Variants in ASAP1 observed in about 807,000 individuals in gnomAD.
ASAP1 encodes arf-GAP with SH3 domain, ANK repeat and PH domain-containing protein 1.
Under a neutral mutation model 145.2 loss-of-function variants are expected in ASAP1, and 43 were observed. That is an observed-to-expected ratio of 0.30 (90% CI 0.23 to 0.38). The LOEUF is 0.38. Ranked by LOEUF, ASAP1 falls within the 10% of genes least tolerant of loss-of-function variation. The pLI is 1.00. For missense variants in ASAP1, 1,018 were observed against 1,355.3 expected (o/e 0.75, Z 3.91); for synonymous variants, 546 against 515.5 (o/e 1.06, Z -0.80).
In ASAP1 at chr8:130,118,264, A is replaced by G; in HGVS notation, c.1795-18T>C. 1 of 1,610,350 alleles carries G rather than the reference A, an allele frequency of 6.2e-7. No individual in the cohort carries two copies. The highest frequency in any genetic ancestry group is 8.5e-7 in the Non-Finnish European group (1 of 1,177,166). ...CCAAGCTCCTAAAAAGGGAAAGAAA[A>G]GTATAAGTAAGTCAATAATATGCTC... is the stretch of plus-strand genomic sequence containing the variant. On this transcript the variant is annotated intron_variant, in intron 19 of 29. Transcript: ENST00000518721.
chr8:130,272,386 C>T (rs62525923), intron 3 of ASAP1, among the ~76,000 whole-genome samples: 52,528 of 151,974 alleles, frequency 0.35, 10,244 homozygotes, highest in East Asian at 0.64. Flanking sequence ...CTCTACACAT[C>T]GTTGGTAGGA....
intron 3 of ASAP1, among the ~76,000 whole-genome samples, chr8:130,245,397 T>C (rs1325906447): frequency 1.4e-5 from 2 of 145,354 alleles, no homozygotes; most frequent in African/African-American, 4.8e-5. Flanking sequence ...CAGCTGGAAT[T>C]TGACCAAAGA....
chr8:130,269,368 G>A (rs1482609166), intron 3 of ASAP1, among the ~76,000 whole-genome samples: 1 of 152,230 alleles, frequency 6.6e-6, no homozygotes, highest in Non-Finnish European at 1.5e-5. Flanking sequence ...TGACCTGACT[G>A]TACCTCTAGC....
At chr8:130,322,833 A>G (rs773386698) in intron 3 of ASAP1, among the ~76,000 whole-genome samples, 2 of 152,210 alleles carry the variant, frequency 1.3e-5, no homozygotes, top group Admixed American at 1.3e-4. Context: ...AGATATACAA[A>G]GACCTGCAAT....
intron 3 of ASAP1, among the ~76,000 whole-genome samples, chr8:130,290,597 C>A (rs1821886334): frequency 6.6e-6 from 1 of 152,192 alleles, no homozygotes; most frequent in Non-Finnish European, 1.5e-5. Flanking sequence ...TTAAATCCTT[C>A]CAGCCTTCCC....
At position 130,358,174 on chromosome 8, in the gene ASAP1, C is replaced by CG; in HGVS notation, c.60-32dup. 1.9e-6 allele frequency: 3 copies of CG among 1,576,946 alleles called. No homozygotes were observed. The highest frequency in any genetic ancestry group is 1.7e-6 in the Non-Finnish European group (2 of 1,163,236). On this transcript the variant is annotated intron_variant, in intron 2 of 29. Coordinates refer to ENST00000518721, the MANE Select transcript of ASAP1 (RefSeq NM_018482.4). This position sits in a 1 kb window ranked among gnomAD's most constrained non-coding sequence, Gnocchi z 4.1. ...GGGAGGGACGAGACACAAGCGGGGG[C>CG]GGGGGGTGAGTCACGGCGCAGGCTC... is the stretch of plus-strand genomic sequence containing the variant.
chr8:130,152,855 G>T, intron 12 of ASAP1, 50 bp from the exon 13 acceptor site: 1 of 1,366,740 alleles, frequency 7.3e-7, no homozygotes, highest in Non-Finnish European at 1.0e-6. Flanking sequence ...TTCACTCTGG[G>T]ACATGCGACG....
chr8:130,371,178 AC>A (rs1420129552), intron 2 of ASAP1, among the ~76,000 whole-genome samples: 1 of 152,144 alleles, frequency 6.6e-6, no homozygotes, highest in African/African-American at 2.4e-5. Flanking sequence ...ATTTTCTTTA[AC>A]CCTCACTGCA....
chr8:130,143,559 T>C (rs564639645), intron 13 of ASAP1, among the ~76,000 whole-genome samples: 1 of 152,350 alleles, frequency 6.6e-6, no homozygotes, highest in South Asian at 2.1e-4. Flanking sequence ...ATTCAAGTTT[T>C]TGATTTTTGA....
intron 27 of ASAP1, among the ~76,000 whole-genome samples, chr8:130,072,824 T>TGTGTGTGCGCGCGCGC: frequency 2.2e-4 from 7 of 32,306 alleles, no homozygotes; most frequent in South Asian, 1.7e-3. Flanking sequence ...TGTGTGTGTG[T>TGTGTGTGCGCGCGCGC]GCGCGCGGGG....
At chr8:130,119,657 G>C (rs1487141678) in intron 18 of ASAP1, among the ~76,000 whole-genome samples, 1 of 152,150 alleles carries the variant, frequency 6.6e-6, no homozygotes, top group Admixed American at 6.5e-5. Context: ...CCTGGATCCA[G>C]CTGTACCTGA....
intron 3 of ASAP1, among the ~76,000 whole-genome samples, chr8:130,242,678 G>C (rs1000698905): frequency 1.3e-5 from 2 of 152,102 alleles, no homozygotes; most frequent in African/African-American, 4.8e-5. Context: ...ATCTCCATAT[G>C]CTAGAACATA....
At chr8:130,180,043 A>G (rs1814242798) in intron 8 of ASAP1, among the ~76,000 whole-genome samples, 1 of 137,364 alleles carries the variant, frequency 7.3e-6, no homozygotes, top group African/African-American at 2.6e-5. Flanking sequence ...GAGGGAAGGA[A>G]GGAAGGGAGG....
At chr8:130,171,393 T>C (rs1407692619) in intron 9 of ASAP1, among the ~76,000 whole-genome samples, 1 of 152,080 alleles carries the variant, frequency 6.6e-6, no homozygotes, top group Non-Finnish European at 1.5e-5. Context: ...CTCAGGAAAC[T>C]TACAACCATG....
intron 12 of ASAP1, among the ~76,000 whole-genome samples, chr8:130,157,765 C>T (rs1397637074): frequency 1.3e-5 from 2 of 152,182 alleles, no homozygotes; most frequent in South Asian, 2.1e-4. Context: ...ATTTCTCTCA[C>T]TTCCTTTGCT....
chr8:130,213,514 T>A (rs1281024193), intron 5 of ASAP1, among the ~76,000 whole-genome samples: 2 of 152,212 alleles, frequency 1.3e-5, no homozygotes, highest in African/African-American at 4.8e-5. Context: ...CAGAAGCCTA[T>A]GTGATACATG....
At chr8:130,123,356 T>A (rs556789407) in intron 18 of ASAP1, among the ~76,000 whole-genome samples, 73 of 152,278 alleles carry the variant, frequency 4.8e-4, no homozygotes, top group Middle Eastern at 6.8e-3. Flanking sequence ...GCATTTGGAT[T>A]TTTGCCAGGC....
chr8:130,228,790 C>G (rs927739118), intron 4 of ASAP1, among the ~76,000 whole-genome samples: 2 of 150,888 alleles, frequency 1.3e-5, no homozygotes, highest in East Asian at 3.9e-4. Context: ...GGGAAAAAAC[C>G]TTTAAAAAGA....
intron 2 of ASAP1, among the ~76,000 whole-genome samples, chr8:130,383,232 A>G (rs376380166): frequency 6.6e-6 from 1 of 152,120 alleles, no homozygotes; most frequent in African/African-American, 2.4e-5. Flanking sequence ...ATTCTCCCCC[A>G]AAGGATTCCC....
Sources: gnomAD v4.1 joint callset for allele counts (sites outside exome capture counted in the v4.1 genomes callset) on GRCh38, gnomAD v4.1.1 for gene constraint, Gnocchi (gnomAD v3.1) non-coding constraint, MANE v1.5 for transcripts, NCBI Gene and HGNC (gene_info 2026-07-23, HGNC 2026-07-21) for gene names.